The following EML4 variants were observed in gnomAD, a reference collection of about 807,000 sequenced individuals.
EML4 encodes the protein echinoderm microtubule-associated protein-like 4.
A neutral mutation model predicts 129.0 loss-of-function variants in EML4; 72 were observed. That is an observed-to-expected ratio of 0.56 (90% CI 0.46 to 0.68). The LOEUF (loss-of-function observed/expected upper bound fraction) is 0.68. EML4 is among the 30% of genes least tolerant of loss of function. The pLI is 0.00. For synonymous variants in EML4, 532 were observed against 405.0 expected, an observed-to-expected ratio of 1.31 and a Z score of -3.77; for missense variants, 1,363 against 1,190.6, an observed-to-expected ratio of 1.14 and a Z score of -2.13.
chr2:42,238,497 C>T (rs1330991634), intron 1 of EML4, among the ~76,000 whole-genome samples: 3 of 152,160 alleles, frequency 2.0e-5, no homozygotes, highest in African/African-American at 4.8e-5. Flanking sequence ...AATTCCAGCA[C>T]TTTGGGAGGC....
intron 1 of EML4, among the ~76,000 whole-genome samples, chr2:42,205,942 A>G (rs17670632): frequency 0.064 from 9,706 of 152,098 alleles, 425 homozygotes; most frequent in South Asian, 0.18. Flanking sequence ...GTTTCTGCTT[A>G]GATTTCAAGA....
intron 1 of EML4, among the ~76,000 whole-genome samples, chr2:42,217,936 C>T (rs1017497296): frequency 6.6e-6 from 1 of 152,112 alleles, no homozygotes; most frequent in African/African-American, 2.4e-5. Flanking sequence ...CTGGATTGAT[C>T]CTGTGATTAA....
chr2:42,321,557 C>G (rs1355990846), intron 19 of EML4, among the ~76,000 whole-genome samples: 1 of 151,940 alleles, frequency 6.6e-6, no homozygotes, highest in African/African-American at 2.4e-5. Context: ...CACCTAGTTC[C>G]AAGCAGAAGG....
chr2:42,321,631 G>A (rs1017888938), intron 19 of EML4, among the ~76,000 whole-genome samples: 1 of 152,068 alleles, frequency 6.6e-6, no homozygotes, highest in Non-Finnish European at 1.5e-5. Context: ...TTTCCTGGAA[G>A]CCCCACACAA....
intron 1 of EML4, among the ~76,000 whole-genome samples, chr2:42,172,171 A>G (rs1670321719): frequency 6.6e-6 from 1 of 152,154 alleles, no homozygotes; most frequent in South Asian, 2.1e-4. Flanking sequence ...CATATTAGAT[A>G]GATTCTTGAA....
intron 6 of EML4, among the ~76,000 whole-genome samples, chr2:42,272,690 A>T (rs1189068770): frequency 6.6e-6 from 1 of 152,162 alleles, no homozygotes; most frequent in Non-Finnish European, 1.5e-5. Flanking sequence ...GATTTTTTTT[A>T]AAAAGTATGT....
chr2:42,250,424 A>G lies in EML4; in HGVS notation c.208+4737A>G, dbSNP rs78917933. Among the ~76,000 whole-genome samples, 373 of 152,324 alleles carry G rather than the reference A, an allele frequency of 2.4e-3. 12 individuals are homozygous for G. The East Asian group carries it at 0.061, about 25-fold the overall frequency. The stretch of plus-strand genomic sequence containing the variant: ...TGTTATCGATAAGCACATTACCTCC[A>G]TCAGCTTAGGAAGGTATGAATTGCC... On this transcript the variant is annotated intron_variant, in intron 2 of 22. Transcript: ENST00000318522.
intron 1 of EML4, among the ~76,000 whole-genome samples, chr2:42,228,916 TTTGTG>T (rs1237183827): frequency 3.3e-5 from 5 of 152,190 alleles, no homozygotes; most frequent in African/African-American, 9.7e-5. Flanking sequence ...AACATATATC[TTTGTG>T]TTGTTTTCAC....
intron 2 of EML4, 33 bp downstream of exon 2, chr2:42,245,720 C>G (rs769216075): frequency 6.6e-7 from 1 of 1,516,342 alleles, no homozygotes; most frequent in African/African-American, 1.4e-5. Context: ...AAGAGTCTTG[C>G]TTTTTGCAAT....
intron 1 of EML4, among the ~76,000 whole-genome samples, chr2:42,221,596 GGTTTTGTTTT>G (rs371292173): frequency 2.0e-5 from 3 of 150,590 alleles, no homozygotes; most frequent in Admixed American, 1.3e-4. Context: ...TGTTTTTTTG[GGTTTTGTTTT>G]GTTTTGTTTT....
chr2:42,200,733 C>A (rs1006068483), intron 1 of EML4, among the ~76,000 whole-genome samples: 1 of 152,052 alleles, frequency 6.6e-6, no homozygotes, highest in Admixed American at 6.5e-5. Flanking sequence ...TGTTTTATAT[C>A]TTTTTTGGCA....
At chr2:42,198,295 G>A (rs1572525937) in intron 1 of EML4, among the ~76,000 whole-genome samples, 2 of 152,260 alleles carry the variant, frequency 1.3e-5, no homozygotes, top group South Asian at 2.1e-4. Context: ...TAGATCAGAT[G>A]TGAGAGAGAA....
At chr2:42,212,675 C>T (rs892083219) in intron 1 of EML4, among the ~76,000 whole-genome samples, 2 of 152,202 alleles carry the variant, frequency 1.3e-5, no homozygotes, top group Non-Finnish European at 2.9e-5. Flanking sequence ...TGTATGTCCA[C>T]ATTATTCACT....
chr2:42,243,311 C>T (rs1675162295), intron 1 of EML4, among the ~76,000 whole-genome samples: 2 of 152,032 alleles, frequency 1.3e-5, no homozygotes, highest in Admixed American at 1.3e-4. Flanking sequence ...AACATACTTA[C>T]AAAGAATATA....
At chr2:42,280,045 C>T (rs778762302) in intron 6 of EML4, among the ~76,000 whole-genome samples, 1 of 151,976 alleles carries the variant, frequency 6.6e-6, no homozygotes, top group Non-Finnish European at 1.5e-5. Context: ...TATTTTCTCC[C>T]GTTCTGTAGG....
chr2:42,293,073 C>T (rs1186625942), intron 11 of EML4, among the ~76,000 whole-genome samples: 1 of 151,930 alleles, frequency 6.6e-6, no homozygotes, highest in East Asian at 1.9e-4. Flanking sequence ...TGGAAAATTA[C>T]GTAACAAGCA....
At chr2:42,317,167 G>A (rs1324257271) in intron 18 of EML4, among the ~76,000 whole-genome samples, 1 of 152,198 alleles carries the variant, frequency 6.6e-6, no homozygotes, top group East Asian at 1.9e-4. Context: ...CAAGAAGGCA[G>A]GATAACCTCT....
intron 1 of EML4, among the ~76,000 whole-genome samples, chr2:42,238,025 C>G (rs903130227): frequency 6.6e-6 from 1 of 152,170 alleles, no homozygotes; most frequent in Non-Finnish European, 1.5e-5. Flanking sequence ...CCTTTGTTTT[C>G]TGATAGTTCA....
intron 1 of EML4, among the ~76,000 whole-genome samples, chr2:42,200,088 T>G (rs1312196785): frequency 6.8e-6 from 1 of 147,814 alleles, no homozygotes; most frequent in East Asian, 2.0e-4. Flanking sequence ...GGCGGGCAGA[T>G]CGCGAAGTCA....
Sources: gnomAD v4.1 joint callset for allele counts (sites outside exome capture counted in the v4.1 genomes callset) on GRCh38, gnomAD v4.1.1 for gene constraint, MANE v1.5 for transcripts, NCBI Gene and HGNC (gene_info 2026-07-23, HGNC 2026-07-21) for gene names.